CHCHD3: variants seen among roughly 807,000 people sequenced by gnomAD.
CHCHD3 encodes MICOS complex subunit MIC19.
In CHCHD3, 20 loss-of-function variants were observed where a neutral mutation model predicts 38.2. That is an observed-to-expected ratio of 0.52 (90% confidence interval 0.37 to 0.76). CHCHD3 has a LOEUF of 0.76. Ranked by LOEUF, CHCHD3 falls within the 30% of genes least tolerant of loss-of-function variation. The probability of loss-of-function intolerance (pLI) is 0.00; values close to 1 mark genes in which losing one functional copy is unlikely to be tolerated. For missense variants in CHCHD3, 245 were observed against 279.2 expected (o/e 0.88, Z 0.87); for synonymous variants, 82 against 100.0 (o/e 0.82, Z 1.07).
chr7:132,791,588 A>G (rs1297610808), intron 7 of CHCHD3, among the ~76,000 whole-genome samples: 1 of 152,154 alleles, frequency 6.6e-6, no homozygotes, highest in African/African-American at 2.4e-5. Flanking sequence ...TGTTTTCAGG[A>G]CCCCTTCATA....
intron 4 of CHCHD3, among the ~76,000 whole-genome samples, chr7:132,913,328 T>C (rs900662582): frequency 6.6e-6 from 1 of 152,064 alleles, no homozygotes; most frequent in African/African-American, 2.4e-5. Context: ...CAATATAATA[T>C]GATGATTAAG....
At chr7:132,810,485 A>G (rs1356247244) in intron 6 of CHCHD3, among the ~76,000 whole-genome samples, 4 of 152,224 alleles carry the variant, frequency 2.6e-5, no homozygotes, top group African/African-American at 9.6e-5. Context: ...TACAGAGGAC[A>G]GGCAAGATTT....
chr7:132,869,176 A>ATAC (rs1294425142), intron 5 of CHCHD3, among the ~76,000 whole-genome samples: 8 of 152,220 alleles, frequency 5.3e-5, no homozygotes, highest in African/African-American at 1.9e-4. Context: ...CTCTGATGCT[A>ATAC]AGGTCTCCTA....
intron 4 of CHCHD3, among the ~76,000 whole-genome samples, chr7:132,894,268 C>G (rs1003273260): frequency 2.0e-5 from 3 of 152,186 alleles, no homozygotes; most frequent in African/African-American, 7.2e-5. Flanking sequence ...ATTTACTCCT[C>G]CAGTTTTCTA....
At chr7:133,007,049 T>C (rs1584637873) in intron 3 of CHCHD3, among the ~76,000 whole-genome samples, 1 of 152,230 alleles carries the variant, frequency 6.6e-6, no homozygotes, top group African/African-American at 2.4e-5. Flanking sequence ...ATTTTCATTT[T>C]CTTAACTTTG....
At chr7:132,984,672 G>A (rs1267312926) in intron 3 of CHCHD3, among the ~76,000 whole-genome samples, 6 of 150,718 alleles carry the variant, frequency 4.0e-5, no homozygotes, top group Non-Finnish European at 7.4e-5. Flanking sequence ...CCTCTGCCCT[G>A]CCGCCCCGTC....
In CHCHD3 at chr7:133,081,983, C is replaced by T; in HGVS notation, c.-46G>A. The T allele has an allele frequency of 6.7e-7, 1 of 1,483,236 alleles. No homozygotes were observed. 91.9% of individuals were successfully genotyped at this position (1,483,236 alleles called of 1,614,324 possible). A position where few individuals can be genotyped will look rare whatever the true frequency, so the allele number is the denominator to read the frequency against. On this transcript the variant is annotated 5_prime_UTR_variant, in exon 1 of 8. Coordinates refer to ENST00000262570, the MANE Select transcript of CHCHD3 (RefSeq NM_017812.4). ...CGGAGACCTAGCGGGGAACCACGAG[C>T]ACTTCGGGGCCCCCGCACCCACACG...
chr7:132,879,929 T>A (rs1046959139), intron 5 of CHCHD3, among the ~76,000 whole-genome samples: 5 of 152,110 alleles, frequency 3.3e-5, no homozygotes, highest in African/African-American at 1.2e-4. Context: ...AGGGGTATCA[T>A]GCTGTAATCG....
chr7:133,070,788 G>T (rs931141454), intron 1 of CHCHD3, among the ~76,000 whole-genome samples: 1 of 152,158 alleles, frequency 6.6e-6, no homozygotes, highest in Non-Finnish European at 1.5e-5. Flanking sequence ...ACAACCATCA[G>T]GCATTTAAAT....
intron 4 of CHCHD3, among the ~76,000 whole-genome samples, chr7:132,964,766 T>C (rs1811415609): frequency 6.6e-6 from 1 of 152,148 alleles, no homozygotes; most frequent in African/African-American, 2.4e-5. Context: ...AGTGTACAAA[T>C]AGCACTTCCT....
chr7:132,947,138 C>T (rs2117280502), intron 4 of CHCHD3, among the ~76,000 whole-genome samples: 1 of 152,000 alleles, frequency 6.6e-6, no homozygotes, highest in East Asian at 1.9e-4. Context: ...AATTAGATAT[C>T]TTAATAAAAT....
chr7:132,858,850 C>A (rs948338616), intron 5 of CHCHD3, among the ~76,000 whole-genome samples: 1 of 152,132 alleles, frequency 6.6e-6, no homozygotes, highest in African/African-American at 2.4e-5. Flanking sequence ...CCAGGACATG[C>A]GCTTTACATA....
At chr7:132,965,850 G>GTTT (rs949660491) in intron 4 of CHCHD3, among the ~76,000 whole-genome samples, 1 of 152,172 alleles carries the variant, frequency 6.6e-6, no homozygotes, top group Admixed American at 6.5e-5. Context: ...CAGGCAGAGG[G>GTTT]TAAGTATGGA....
chr7:132,790,852 G>A (rs952283335), intron 7 of CHCHD3, among the ~76,000 whole-genome samples: 13 of 152,162 alleles, frequency 8.5e-5, no homozygotes, highest in Non-Finnish European at 1.6e-4. Flanking sequence ...GGGGACTGGG[G>A]TCACCTACTG....
intron 5 of CHCHD3, among the ~76,000 whole-genome samples, chr7:132,857,583 T>C (rs1356811027): frequency 1.3e-5 from 2 of 152,018 alleles, no homozygotes; most frequent in African/African-American, 4.8e-5. Context: ...AATTTTTGTA[T>C]TTTTAATAGA....
intron 4 of CHCHD3, among the ~76,000 whole-genome samples, chr7:132,946,461 G>A (rs1810906449): frequency 6.6e-6 from 1 of 151,816 alleles, no homozygotes; most frequent in East Asian, 1.9e-4. Flanking sequence ...CTCAAGATCT[G>A]AGTTAAAACT....
At chr7:132,976,500 C>T in intron 3 of CHCHD3, among the ~76,000 whole-genome samples, 1 of 152,206 alleles carries the variant, frequency 6.6e-6, no homozygotes, top group East Asian at 1.9e-4. Context: ...TAGAGGCATT[C>T]AGTAATCACT....
intron 4 of CHCHD3, among the ~76,000 whole-genome samples, chr7:132,961,516 TTA>T (rs71746332): frequency 0.066 from 9,979 of 152,230 alleles, 825 homozygotes; most frequent in African/African-American, 0.2. Flanking sequence ...CATGATGACT[TTA>T]TATATACATA....
chr7:133,060,072 A>G (rs1814457739), intron 2 of CHCHD3, among the ~76,000 whole-genome samples: 1 of 152,026 alleles, frequency 6.6e-6, no homozygotes, highest in Admixed American at 6.5e-5. Context: ...AAGAAAAGGA[A>G]ACTCTTCAAA....
Sources: allele counts gnomAD v4.1 joint callset (sites outside exome capture counted in the v4.1 genomes callset), GRCh38; gene constraint gnomAD v4.1.1; transcripts MANE v1.5; gene names NCBI Gene and HGNC (gene_info 2026-07-23, HGNC 2026-07-21).